Variants in TJP1 observed in about 807,000 individuals in gnomAD.
The protein encoded by TJP1 is tight junction protein 1.
Under a neutral mutation model 194.2 loss-of-function variants are expected in TJP1, and 43 were observed. The ratio of observed to expected loss-of-function variants is 0.22; its 90% CI spans 0.17 to 0.29. TJP1 has a LOEUF of 0.29. TJP1 is among the 10% of genes least tolerant of loss of function. TJP1 has a pLI of 1.00. For synonymous variants in TJP1, 801 were observed against 779.0 expected (o/e 1.03, Z -0.47); for missense variants, 1,971 against 2,185.7 (o/e 0.90, Z 1.96).
At chr15:29,708,056 C>T (rs1367432134) in intron 25 of TJP1, among the ~76,000 whole-genome samples, 2 of 152,040 alleles carry the variant, frequency 1.3e-5, no homozygotes, top group African/African-American at 4.8e-5. Flanking sequence ...TTTAGCCAGG[C>T]GTGGTGGCAC....
chr15:29,958,018 C>G (rs1430865132), intron 1 of TJP1, among the ~76,000 whole-genome samples: 1 of 152,110 alleles, frequency 6.6e-6, no homozygotes, highest in Non-Finnish European at 1.5e-5. Context: ...TAGGATTTCC[C>G]ACCTTGAACA....
intron 2 of TJP1, among the ~76,000 whole-genome samples, chr15:29,905,508 G>A (rs2053778130): frequency 6.6e-6 from 1 of 152,148 alleles, no homozygotes; most frequent in African/African-American, 2.4e-5. Context: ...ACACTCTTTA[G>A]TATTTATCCA....
intron 2 of TJP1, among the ~76,000 whole-genome samples, chr15:29,788,908 T>C (rs191319800): frequency 8.7e-4 from 133 of 152,264 alleles, no homozygotes; most frequent in African/African-American, 2.9e-3. Flanking sequence ...GTGGTTACCA[T>C]CTGAAGCTAC....
intron 1 of TJP1, among the ~76,000 whole-genome samples, chr15:29,964,424 GAC>G (rs2056264835): frequency 6.6e-6 from 1 of 151,556 alleles, no homozygotes; most frequent in Non-Finnish European, 1.5e-5. Flanking sequence ...AAAAAAGAGA[GAC>G]AGGAGAAGAC....
chr15:29,740,446 C>T (rs959386565), intron 10 of TJP1, among the ~76,000 whole-genome samples: 7 of 151,748 alleles, frequency 4.6e-5, no homozygotes, highest in African/African-American at 7.3e-5. Flanking sequence ...GGCAATGCGG[C>T]GAAACAAAAC....
rs2046411705 is a variant in TJP1, at chr15:29,767,738, T to G, written c.313-1196A>C. Among the ~76,000 whole-genome samples the G allele has an allele frequency of 2.0e-5, 3 of 152,182 alleles. 1 individual carries two copies. In the South Asian group the frequency reaches 6.2e-4, roughly 32 times the overall value. On this transcript the variant is annotated intron_variant, in intron 4 of 27. Coordinates refer to ENST00000614355, the MANE Select transcript of TJP1 (RefSeq NM_001330239.4). ...GCCTGCTTTAAGATCAGTGCCATTT[T>G]ACTCCCCCTCCCCTCCTAAATTTTT...
Position 29,718,880 on chromosome 15 carries a change from C to T in TJP1, c.3262G>A (p.Glu1088Lys). 6.2e-7 allele frequency: 1 copy of T among 1,614,180 alleles called. No homozygotes were observed. The highest frequency in any genetic ancestry group is 8.5e-7 in the Non-Finnish European group (1 of 1,180,040). The stretch of plus-strand genomic sequence containing the variant: ...TCATCATAATATGACCACTGTTCTT[C>T]ATACATGGGGACGCGATCTTCGTAT... ...LRYEDRVPMY[E>K]EQWSYYDDKQ... The change falls in exon 21 of 28, where the codon GAA becomes AAA. Residue 1088 changes from glutamate to lysine, a missense_variant. By Grantham distance (56) the Glu-to-Lys change is moderately conservative. Coordinates refer to ENST00000614355, the MANE Select transcript of TJP1 (RefSeq NM_001330239.4).
Position 29,822,457 on chromosome 15 carries a change from C to G in TJP1, c.-429G>C. 1 of 986,352 alleles carries G rather than the reference C, an allele frequency of 1.0e-6. No individual in the cohort carries two copies. The highest frequency in any genetic ancestry group is 1.2e-6 in the Non-Finnish European group (1 of 830,694). The allele number at this position is 986,352 out of a possible 1,614,324, so 61.1% of individuals were successfully genotyped here. On this transcript the variant is annotated 5_prime_UTR_variant, in exon 1 of 28. Coordinates refer to ENST00000614355, the MANE Select transcript of TJP1 (RefSeq NM_001330239.4). ...CCGCTGGCTCAGCCGGCGCCGGCAA[C>G]TCAGCGGCCACGCAAACCTGCCGGC...
chr15:29,718,084 G>C lies in TJP1; in HGVS notation c.3911C>G (p.Pro1304Arg), dbSNP rs1324010798. ...AGAAGTGGGTTTGGGACCAATGATG[G>C]GAGCACCTGAAGGTTTAGATGCTAC... ...PEVASKPSGA[P>R]IIGPKPTSQN... is the part of the protein sequence containing the mutation. Residue 1304 changes from proline to arginine, a missense_variant, in exon 22 of 28, where the codon CCC (proline) becomes CGC (arginine). By Grantham distance (103) the Pro-to-Arg change is moderately radical. Transcript: ENST00000614355. 12 of 1,612,436 alleles carry C rather than the reference G, an allele frequency of 7.4e-6. No individual in the cohort carries two copies. Among genetic ancestry groups the C allele is most frequent in the African/African-American group, 1.3e-5 (1 of 74,410 alleles).
At chr15:29,783,543 A>G (rs1305728228) in intron 2 of TJP1, among the ~76,000 whole-genome samples, 1 of 152,240 alleles carries the variant, frequency 6.6e-6, no homozygotes, top group Non-Finnish European at 1.5e-5. Context: ...CTGCAGCACT[A>G]TTCGCAATAG....
At chr15:29,962,231 C>T (rs1022986480) in intron 1 of TJP1, among the ~76,000 whole-genome samples, 1 of 152,190 alleles carries the variant, frequency 6.6e-6, no homozygotes, top group Non-Finnish European at 1.5e-5. Context: ...GAATGCTTTT[C>T]TACTCCCCAT....
chr15:29,861,768 G>A (rs1489052850), intron 2 of TJP1, among the ~76,000 whole-genome samples: 4 of 152,098 alleles, frequency 2.6e-5, no homozygotes, highest in African/African-American at 9.7e-5. Flanking sequence ...TGTGATGGGG[G>A]GAGATTAGGG....
At chr15:29,776,116 A>G (rs2047000808) in intron 2 of TJP1, among the ~76,000 whole-genome samples, 2 of 152,192 alleles carry the variant, frequency 1.3e-5, no homozygotes, top group African/African-American at 2.4e-5. Context: ...ACAGCTCAAC[A>G]TAATTTATTT....
intron 2 of TJP1, among the ~76,000 whole-genome samples, chr15:29,932,183 T>C (rs1269062182): frequency 6.6e-6 from 1 of 152,242 alleles, no homozygotes; most frequent in Non-Finnish European, 1.5e-5. Context: ...TTACCCAGCC[T>C]CTATTCAAGA....
intron 5 of TJP1, 77 bp downstream of exon 5, chr15:29,766,189 G>A: frequency 1.3e-6 from 2 of 1,521,328 alleles, no homozygotes; most frequent in Non-Finnish European, 1.8e-6. Context: ...GACATGAAGA[G>A]ACAGCAACTG....
chr15:29,756,226 C>G (rs565085452), intron 8 of TJP1, among the ~76,000 whole-genome samples: 1 of 152,220 alleles, frequency 6.6e-6, no homozygotes, highest in Non-Finnish European at 1.5e-5. Context: ...TCCTACAGCC[C>G]AAGTCTTGGC....
chr15:29,711,099 C>A lies in TJP1; in HGVS notation c.4203-99G>T, dbSNP rs919293280. The A allele has an allele frequency of 1.4e-5, 18 of 1,304,220 alleles. No homozygotes were observed. In the African/African-American group the frequency reaches 2.5e-4, roughly 18 times the overall value. 80.8% of individuals were successfully genotyped at this position (1,304,220 alleles called of 1,614,324 possible). A position where few individuals can be genotyped will look rare whatever the true frequency, so the allele number is the denominator to read the frequency against. ...TGTATCTCTAAGTTAAAAAAAAAAA[C>A]TAGAAATTTCACAATTTATTCTCAT... On this transcript the variant is annotated intron_variant, in intron 23 of 27. Transcript: ENST00000614355.
intron 11 of TJP1, among the ~76,000 whole-genome samples, chr15:29,737,044 A>C (rs1013400458): frequency 1.3e-5 from 2 of 152,224 alleles, no homozygotes; most frequent in African/African-American, 4.8e-5. Context: ...ATTCTTTACT[A>C]ACACAAAATA....
intron 2 of TJP1, among the ~76,000 whole-genome samples, chr15:29,910,781 A>G (rs1245389008): frequency 6.6e-6 from 1 of 152,210 alleles, no homozygotes; most frequent in Non-Finnish European, 1.5e-5. Context: ...ATAACACGCT[A>G]CAAGCACAGA....
Sources: gnomAD v4.1 joint callset for allele counts (sites outside exome capture counted in the v4.1 genomes callset) on GRCh38, gnomAD v4.1.1 for gene constraint, MANE v1.5 for transcripts, NCBI Gene and HGNC (gene_info 2026-07-23, HGNC 2026-07-21) for gene names.